Variants in RSPRY1 observed in about 807,000 individuals in gnomAD.
The protein encoded by RSPRY1 is RING finger and SPRY domain-containing protein 1.
A neutral mutation model predicts 73.1 loss-of-function variants in RSPRY1; 23 were observed. The observed-to-expected ratio is 0.31, with a 90% confidence interval of 0.23 to 0.45. RSPRY1 has a LOEUF of 0.45. RSPRY1 is among the 20% of genes least tolerant of loss of function. RSPRY1 has a pLI of 1.00. For missense variants in RSPRY1, 448 were observed against 698.7 expected (o/e 0.64, Z 4.05); for synonymous variants, 226 against 251.4 (o/e 0.90, Z 0.95).
rs954948323 is a variant in RSPRY1 at position 57,190,570 on chromosome 16, A to G, written c.-156+4119A>G. Among the ~76,000 whole-genome samples, 7 of 152,322 alleles carry G rather than the reference A, an allele frequency of 4.6e-5. No individual in the cohort carries two copies. The East Asian group carries it at 5.8e-4, about 13-fold the overall frequency. The stretch of plus-strand genomic sequence containing the variant: ...AGCTTTTGGCATTTTCAAGGCAGTT[A>G]TCATTGAATTTGGGTAGTTTTTTCC... On this transcript the variant is annotated intron_variant, in intron 1 of 14. Coordinates refer to ENST00000394420, the MANE Select transcript of RSPRY1 (RefSeq NM_133368.3).
chr16:57,230,853 C>A, intron 12 of RSPRY1, 40 bp downstream of exon 12: 1 of 1,130,190 alleles, frequency 8.8e-7, no homozygotes, highest in Non-Finnish European at 1.3e-6. Flanking sequence ...AGTAGATGCA[C>A]GGAATGCCCT....
chr16:57,200,121 T>C (rs1326813933), intron 1 of RSPRY1, among the ~76,000 whole-genome samples: 2 of 148,940 alleles, frequency 1.3e-5, no homozygotes, highest in Non-Finnish European at 3.0e-5. Context: ...ACGAGCATGC[T>C]GCCTTCAAGC....
intron 1 of RSPRY1, among the ~76,000 whole-genome samples, chr16:57,193,951 A>C (rs1181380797): frequency 6.6e-6 from 1 of 152,176 alleles, no homozygotes; most frequent in Non-Finnish European, 1.5e-5. Flanking sequence ...CAATAATCCC[A>C]GCTACTCAGG....
intron 4 of RSPRY1, 118 bp downstream of exon 4, chr16:57,209,305 T>TC: frequency 1.5e-6 from 1 of 665,466 alleles, no homozygotes; most frequent in African/African-American, 1.8e-5. Flanking sequence ...TCTGTTTTAT[T>TC]CAGTATTGAT....
At position 57,239,130 on chromosome 16, in the gene RSPRY1, A is replaced by G. The variant is rs919643355; in HGVS notation, c.*155A>G. The G allele has an allele frequency of 5.1e-6, 2 of 391,532 alleles. No homozygotes were observed. Among genetic ancestry groups the G allele is most frequent in the East Asian group, 4.1e-5 (1 of 24,268 alleles). 24.3% of individuals were successfully genotyped at this position (391,532 alleles called of 1,614,324 possible). A position where few individuals can be genotyped will look rare whatever the true frequency, so the allele number is the denominator to read the frequency against. On this transcript the variant is annotated 3_prime_UTR_variant, in exon 15 of 15. Transcript: ENST00000394420. Reference sequence around the variant, plus strand: ...TAAAAATGGTAGTTTGTCAAAGACAAAATTCTCTTAGAATCTAATCCAACT... The same window carrying G: ...TAAAAATGGTAGTTTGTCAAAGACAGAATTCTCTTAGAATCTAATCCAACT...
At chr16:57,188,864 A>G (rs1476311751) in intron 1 of RSPRY1, among the ~76,000 whole-genome samples, 1 of 151,544 alleles carries the variant, frequency 6.6e-6, no homozygotes, top group Non-Finnish European at 1.5e-5. Flanking sequence ...TTGTGATCCT[A>G]TATTCTGTGG....
chr16:57,214,115 TAAAA>T (rs1163238502), intron 6 of RSPRY1, among the ~76,000 whole-genome samples, 169 bp downstream of exon 6: 4 of 152,190 alleles, frequency 2.6e-5, no homozygotes, highest in Non-Finnish European at 4.4e-5. Context: ...CTCCTATGTT[TAAAA>T]AAGAGAGTGG....
intron 2 of RSPRY1, chr16:57,207,632 C>T (rs1332716033): frequency 2.2e-6 from 1 of 457,042 alleles, no homozygotes; most frequent in South Asian, 1.5e-5. Flanking sequence ...TAGGCCCTTG[C>T]TTCCATAAGT....
chr16:57,229,464 T>A (rs1274129180), intron 11 of RSPRY1, among the ~76,000 whole-genome samples: 1 of 151,696 alleles, frequency 6.6e-6, no homozygotes, highest in Non-Finnish European at 1.5e-5. Context: ...AAAAAAATTT[T>A]AAAAATTTGC....
intron 4 of RSPRY1, among the ~76,000 whole-genome samples, chr16:57,209,836 G>A (rs535791410): frequency 1.3e-4 from 19 of 151,756 alleles, no homozygotes; most frequent in Non-Finnish European, 2.2e-4. Flanking sequence ...CCCCATGTCT[G>A]GCTAATTTTG....
intron 14 of RSPRY1, among the ~76,000 whole-genome samples, 191 bp downstream of exon 14, chr16:57,235,419 A>G (rs142504176): frequency 6.6e-6 from 1 of 152,208 alleles, no homozygotes; most frequent in Admixed American, 6.5e-5. Context: ...TTGTTTACTC[A>G]GTACTGTATT....
chr16:57,201,418 C>T (rs1463820097), intron 1 of RSPRY1, among the ~76,000 whole-genome samples: 2 of 150,296 alleles, frequency 1.3e-5, no homozygotes, highest in Admixed American at 6.7e-5. Context: ...GGCAGAGACG[C>T]TCCTCACTTC....
intron 1 of RSPRY1, among the ~76,000 whole-genome samples, chr16:57,194,822 A>G (rs2074411249): frequency 1.3e-5 from 2 of 152,260 alleles, no homozygotes; most frequent in African/African-American, 4.8e-5. Flanking sequence ...TGATTCCTGG[A>G]CCATTTGTCA....
intron 1 of RSPRY1, among the ~76,000 whole-genome samples, chr16:57,195,664 C>CTT (rs201029140): frequency 1.0e-4 from 15 of 143,170 alleles, no homozygotes; most frequent in South Asian, 8.8e-4. Flanking sequence ...GTGTGACTAG[C>CTT]TTTTTTTTTT....
chr16:57,210,678 A>C (rs1432067972), intron 4 of RSPRY1, among the ~76,000 whole-genome samples: 1 of 150,908 alleles, frequency 6.6e-6, no homozygotes, highest in Non-Finnish European at 1.5e-5. Flanking sequence ...GTGCTACTGC[A>C]CTCCAGCCTG....
intron 8 of RSPRY1, 75 bp downstream of exon 8, chr16:57,217,110 T>C: frequency 6.4e-7 from 1 of 1,551,870 alleles, no homozygotes; most frequent in Non-Finnish European, 8.9e-7. Flanking sequence ...CTCACTGGTC[T>C]TCCTTTTGCA....
At chr16:57,201,395 C>A (rs1356591840) in intron 1 of RSPRY1, among the ~76,000 whole-genome samples, 1 of 149,944 alleles carries the variant, frequency 6.7e-6, no homozygotes, top group Non-Finnish European at 1.5e-5. Flanking sequence ...ACATCTCAGA[C>A]GATGGGCGGC....
intron 8 of RSPRY1, 146 bp downstream of exon 8, chr16:57,217,181 A>T: frequency 1.2e-6 from 1 of 838,906 alleles, no homozygotes; most frequent in Non-Finnish European, 1.9e-6. Context: ...TCTAGCAGAA[A>T]AGTATCCTAG....
At chr16:57,216,372 T>G in intron 7 of RSPRY1, 199 bp downstream of exon 7, 1 of 506,922 alleles carries the variant, frequency 2.0e-6, no homozygotes, top group Middle Eastern at 4.1e-4. Flanking sequence ...GAATCAAAAC[T>G]TGGTAACCAT....
Sources: gnomAD v4.1 joint callset for allele counts (sites outside exome capture counted in the v4.1 genomes callset) on GRCh38, gnomAD v4.1.1 for gene constraint, MANE v1.5 for transcripts, NCBI Gene and HGNC (gene_info 2026-07-23, HGNC 2026-07-21) for gene names.